The following NCS1 variants were observed in gnomAD, a reference collection of about 807,000 sequenced individuals.
NCS1 encodes the protein neuronal calcium sensor 1.
A neutral mutation model predicts 28.4 loss-of-function variants in NCS1; 6 were observed. That is an observed-to-expected ratio of 0.21 (90% CI 0.12 to 0.42). The LOEUF (loss-of-function observed/expected upper bound fraction) is 0.42, where lower values mean the gene tolerates loss of function less well. NCS1 is among the 10% of genes least tolerant of loss of function. The pLI is 1.00. For synonymous variants in NCS1, 86 were observed against 99.3 expected, an observed-to-expected ratio of 0.87 and a Z score of 0.79; for missense variants, 131 against 241.4, an observed-to-expected ratio of 0.54 and a Z score of 3.03.
rs868944628 is a variant in NCS1, at chr9:130,172,790, C to T, written c.64+63C>T. On this transcript the variant is annotated intron_variant, in intron 1 of 7. Transcript: ENST00000372398. The stretch of plus-strand genomic sequence containing the variant: ...ACCCCCACACCCACCGCCCCCGCCC[C>T]CGCCCCCCGGACCCGCGCGCTACCC... The T allele has an allele frequency of 5.1e-5, 48 of 939,276 alleles. 1 individual carries two copies. Among genetic ancestry groups the T allele is most frequent in the Middle Eastern group, 7.9e-4 (2 of 2,536 alleles). The allele number at this position is 939,276 out of a possible 1,614,324, so 58.2% of individuals were successfully genotyped here.
chr9:130,231,237 C>T (rs997130725), intron 7 of NCS1, among the ~76,000 whole-genome samples: 3 of 151,668 alleles, frequency 2.0e-5, no homozygotes, highest in African/African-American at 7.3e-5. Flanking sequence ...TGTAGTCCCA[C>T]CTACTTAGGG....
chr9:130,184,985 G>A (rs1588109836), intron 1 of NCS1, among the ~76,000 whole-genome samples: 2 of 151,148 alleles, frequency 1.3e-5, no homozygotes, highest in Admixed American at 1.3e-4. Flanking sequence ...AAAAAAAAAA[G>A]GGGCTGGGGT....
intron 1 of NCS1, among the ~76,000 whole-genome samples, chr9:130,198,347 G>T (rs7856531): frequency 0.51 from 77,775 of 151,998 alleles, 20,518 homozygotes; most frequent in East Asian, 0.85. Flanking sequence ...GTGGGACTTC[G>T]GAGCTGGGGG....
intron 1 of NCS1, among the ~76,000 whole-genome samples, chr9:130,178,429 C>T (rs566569237): frequency 1.3e-5 from 2 of 152,334 alleles, no homozygotes; most frequent in South Asian, 2.1e-4. Context: ...CCCATCACCC[C>T]GTGTCAGGGG....
intron 4 of NCS1, among the ~76,000 whole-genome samples, 179 bp from the exon 5 acceptor site, chr9:130,222,471 G>A (rs1554910703): frequency 6.6e-6 from 1 of 151,784 alleles, no homozygotes; most frequent in East Asian, 1.9e-4. Context: ...TTTAACCCTA[G>A]TTGCAATGGT....
intron 2 of NCS1, among the ~76,000 whole-genome samples, chr9:130,213,377 T>A (rs10819616): frequency 0.93 from 140,927 of 151,328 alleles, 65,629 homozygotes; most frequent in East Asian, 0.99. Flanking sequence ...TCCTGGGTTC[T>A]CACCATTCTC....
In NCS1 at chr9:130,219,531, C is replaced by T. The variant is rs1212481333; in HGVS notation, c.229-194C>T. Among the ~76,000 whole-genome samples the T allele has an allele frequency of 2.6e-5, 4 of 151,432 alleles. No homozygotes were observed. Among genetic ancestry groups the T allele is most frequent in the African/African-American group, 9.7e-5 (4 of 41,170 alleles). On this transcript the variant is annotated intron_variant, in intron 3 of 7. Transcript: ENST00000372398. This position sits in a 1 kb window ranked among gnomAD's most constrained non-coding sequence, Gnocchi z 5.7. The stretch of plus-strand genomic sequence containing the variant: ...CCTCTCCCACTTCTAACCCCCCACA[C>T]AGTCCCCCAGCCTCTGCTCCCCACC...
intron 1 of NCS1, chr9:130,200,489 T>A (rs904417749): frequency 5.2e-6 from 7 of 1,355,620 alleles, no homozygotes; most frequent in East Asian, 2.5e-5. Flanking sequence ...ACCCTTCTGC[T>A]GAGAGCTGCC....
rs927988293 is a variant in NCS1 at position 130,236,290 on chromosome 9, T to C, written c.*3318T>C. On this transcript the variant is annotated 3_prime_UTR_variant, in exon 8 of 8. Coordinates refer to ENST00000372398, the MANE Select transcript of NCS1 (RefSeq NM_014286.4). Reference sequence around the variant, plus strand: ...CTGTTCCCAGCGCGGTTTCAGCATTTAATTTTAAGGGAGCTAAGGAAGCGC... The same window carrying C: ...CTGTTCCCAGCGCGGTTTCAGCATTCAATTTTAAGGGAGCTAAGGAAGCGC... The C allele has an allele frequency of 1.3e-5, 2 of 152,108 alleles. No individual in the cohort carries two copies. 9.4% of individuals were successfully genotyped at this position (152,108 alleles called of 1,614,324 possible).
rs529908683 is a variant in NCS1, at chr9:130,232,027, A to G, written c.*18-963A>G. Among the ~76,000 whole-genome samples the G allele has an allele frequency of 1.3e-4, 20 of 152,114 alleles. No individual in the cohort carries two copies. The East Asian group carries it at 3.9e-3, about 29-fold the overall frequency. On this transcript the variant is annotated intron_variant, in intron 7 of 7. Transcript: ENST00000372398. This position sits in a 1 kb window ranked among gnomAD's most constrained non-coding sequence, Gnocchi z 4.4. The stretch of plus-strand genomic sequence containing the variant: ...AGTGATGCAATCTCGGCTCACTGCA[A>G]CCTCTGCCTCCCAGGTTCAAGTCAT...
chr9:130,230,176 C>A (rs982211514), intron 7 of NCS1, among the ~76,000 whole-genome samples: 1 of 152,102 alleles, frequency 6.6e-6, no homozygotes, highest in African/African-American at 2.4e-5. Context: ...CATGGTGAAA[C>A]CCCGTCTCTA....
intron 1 of NCS1, among the ~76,000 whole-genome samples, chr9:130,182,996 G>A (rs1262320413): frequency 2.0e-5 from 3 of 152,230 alleles, no homozygotes; most frequent in Admixed American, 1.3e-4. Flanking sequence ...TGTGGTCTTT[G>A]GTGTCTGTGG....
At chr9:130,179,995 TTATCTATCTATCTATCTATC>T (rs56120429) in intron 1 of NCS1, among the ~76,000 whole-genome samples, 2,421 of 145,250 alleles carry the variant, frequency 0.017, 47 homozygotes, top group African/African-American at 0.043. Flanking sequence ...TGCCTTCTTT[TTATCTATCTATCTATCTATC>T]TATCTATCTA....
intron 4 of NCS1, among the ~76,000 whole-genome samples, chr9:130,221,423 G>GAT (rs1833298850): frequency 1.3e-5 from 1 of 76,272 alleles, no homozygotes; most frequent in Non-Finnish European, 3.2e-5. Flanking sequence ...TAGAGAGAGA[G>GAT]AGAGAGAGAG....
At chr9:130,183,884 A>G (rs1230462148) in intron 1 of NCS1, among the ~76,000 whole-genome samples, 2 of 146,970 alleles carry the variant, frequency 1.4e-5, no homozygotes, top group African/African-American at 5.1e-5. Context: ...ATCTCGGCCC[A>G]CTGCAAGCTC....
At chr9:130,224,305 A>G (rs557634894) in intron 6 of NCS1, among the ~76,000 whole-genome samples, 1 of 150,842 alleles carries the variant, frequency 6.6e-6, no homozygotes, top group East Asian at 2.0e-4. Context: ...AAAAAAAAAA[A>G]AAAAAAAATC....
At chr9:130,190,011 G>A (rs1832796272) in intron 1 of NCS1, among the ~76,000 whole-genome samples, 1 of 130,366 alleles carries the variant, frequency 7.7e-6, no homozygotes, top group African/African-American at 3.0e-5. Flanking sequence ...GAGCCAGGGG[G>A]TAGTTCTTGT....
At chr9:130,211,010 A>ATTTTTTTTTTTTTT (rs34425557) in intron 2 of NCS1, among the ~76,000 whole-genome samples, 1 of 92,398 alleles carries the variant, frequency 1.1e-5, no homozygotes, top group Non-Finnish European at 2.0e-5. Context: ...GGCTCCACTA[A>ATTTTTTTTTTTTTT]TTTTTTTTTT....
intron 1 of NCS1, chr9:130,200,416 T>C: frequency 3.0e-6 from 2 of 663,922 alleles, no homozygotes; most frequent in South Asian, 3.7e-5. Flanking sequence ...GTCTTGCCAG[T>C]GAAAGAGCCC....
Sources: gnomAD v4.1 joint callset for allele counts (sites outside exome capture counted in the v4.1 genomes callset) on GRCh38, gnomAD v4.1.1 for gene constraint, Gnocchi (gnomAD v3.1) non-coding constraint, MANE v1.5 for transcripts, NCBI Gene and HGNC (gene_info 2026-07-23, HGNC 2026-07-21) for gene names.